The following LCLAT1 variants were observed in gnomAD, a reference collection of about 807,000 sequenced individuals.
LCLAT1 encodes the protein lysocardiolipin acyltransferase 1.
Under a neutral mutation model 30.7 loss-of-function variants are expected in LCLAT1, and 11 were observed. The ratio of observed to expected loss-of-function variants is 0.36; its 90% CI spans 0.23 to 0.59. LCLAT1 has a LOEUF of 0.59. Ranked by LOEUF, LCLAT1 falls within the 20% of genes least tolerant of loss-of-function variation. The probability of loss-of-function intolerance (pLI) is 0.77; values close to 1 mark genes in which losing one functional copy is unlikely to be tolerated. For missense variants in LCLAT1, 402 were observed against 458.6 expected, an observed-to-expected ratio of 0.88 and a Z score of 1.13; for synonymous variants, 155 against 151.3, an observed-to-expected ratio of 1.02 and a Z score of -0.18.
intron 3 of LCLAT1, among the ~76,000 whole-genome samples, chr2:30,546,806 A>C (rs1163978442): frequency 2.0e-5 from 3 of 152,170 alleles, no homozygotes; most frequent in Non-Finnish European, 2.9e-5. Context: ...ATTCACTAAA[A>C]TTAGAACAAA....
At chr2:30,562,359 G>A in intron 4 of LCLAT1, 67 bp downstream of exon 4, 2 of 1,290,490 alleles carry the variant, frequency 1.5e-6, no homozygotes, top group South Asian at 1.6e-5. Flanking sequence ...CTCAGATGAA[G>A]TAACTGAACA....
At chr2:30,535,364 T>C (rs915105336) in intron 3 of LCLAT1, among the ~76,000 whole-genome samples, 12 of 152,166 alleles carry the variant, frequency 7.9e-5, no homozygotes, top group Non-Finnish European at 1.6e-4. Context: ...TAGAATGACA[T>C]GCACCTGGGG....
At chr2:30,522,400 C>A (rs1478259720) in intron 1 of LCLAT1, among the ~76,000 whole-genome samples, 1 of 151,856 alleles carries the variant, frequency 6.6e-6, no homozygotes, top group East Asian at 1.9e-4. Context: ...TTAGCTATTC[C>A]AAATAAGTGT....
chr2:30,503,502 G>A (rs1378564195), intron 1 of LCLAT1, among the ~76,000 whole-genome samples: 2 of 152,140 alleles, frequency 1.3e-5, no homozygotes, highest in African/African-American at 4.8e-5. Context: ...GCTAGGTGGA[G>A]TATACTAGAG....
At chr2:30,504,151 CAT>C (rs1241174158) in intron 1 of LCLAT1, among the ~76,000 whole-genome samples, 4 of 151,810 alleles carry the variant, frequency 2.6e-5, no homozygotes, top group African/African-American at 9.7e-5. Context: ...ATATACACAA[CAT>C]AAACATATAC....
Position 30,641,143 on chromosome 2 carries a change from T to C in LCLAT1, c.*524T>C, listed in dbSNP as rs1669285097. On this transcript the variant is annotated 3_prime_UTR_variant, in exon 6 of 6. Coordinates refer to ENST00000379509, the MANE Select transcript of LCLAT1 (RefSeq NM_001002257.3). ...AGATCAGAAAATGGAACCCCCTTTG[T>C]CGTGAAACCGATCAAGCATTTTGAC... 6.5e-6 allele frequency: 1 copy of C among 152,870 alleles called. No homozygotes were observed. Among genetic ancestry groups the C allele is most frequent in the South Asian group, 2.1e-4 (1 of 4,842 alleles). 9.5% of individuals were successfully genotyped at this position (152,870 alleles called of 1,614,324 possible).
At chr2:30,579,608 A>G (rs1392391204) in intron 5 of LCLAT1, among the ~76,000 whole-genome samples, 1 of 152,114 alleles carries the variant, frequency 6.6e-6, no homozygotes, top group East Asian at 1.9e-4. Context: ...GATCTGGAGG[A>G]ATGGCAGGAT....
At chr2:30,450,457 C>G (rs750404841) in intron 1 of LCLAT1, among the ~76,000 whole-genome samples, 2 of 152,104 alleles carry the variant, frequency 1.3e-5, no homozygotes, top group Non-Finnish European at 2.9e-5. Flanking sequence ...AGAAGGATCT[C>G]GATTAGATGC....
At chr2:30,518,641 A>C (rs1252645) in intron 1 of LCLAT1, among the ~76,000 whole-genome samples, 3 of 152,154 alleles carry the variant, frequency 2.0e-5, no homozygotes, top group African/African-American at 7.2e-5. Flanking sequence ...AGGATTATCA[A>C]TGAGGCCGTT....
chr2:30,556,996 G>A (rs983780462), intron 3 of LCLAT1, among the ~76,000 whole-genome samples: 6 of 151,902 alleles, frequency 3.9e-5, no homozygotes, highest in African/African-American at 1.2e-4. Context: ...CGCCTGCGTC[G>A]GCCTCCCAAA....
At chr2:30,620,347 C>G (rs1668182657) in intron 5 of LCLAT1, among the ~76,000 whole-genome samples, 2 of 152,146 alleles carry the variant, frequency 1.3e-5, no homozygotes, top group Admixed American at 6.5e-5. Context: ...GAATGAAGCC[C>G]AGAACTCTTC....
intron 5 of LCLAT1, among the ~76,000 whole-genome samples, chr2:30,577,787 A>ATTCTTCTTC (rs148353400): frequency 6.6e-6 from 1 of 150,732 alleles, no homozygotes; most frequent in African/African-American, 2.4e-5. Flanking sequence ...TATTTGTGCT[A>ATTCTTCTTC]TTCTTCTTCT....
intron 1 of LCLAT1, among the ~76,000 whole-genome samples, chr2:30,493,767 T>G (rs1178105920): frequency 1.3e-5 from 2 of 151,746 alleles, no homozygotes; most frequent in Non-Finnish European, 2.9e-5. Context: ...ATGAATATCT[T>G]AAATATGATA....
At chr2:30,498,595 A>G (rs1684224974) in intron 1 of LCLAT1, among the ~76,000 whole-genome samples, 1 of 152,106 alleles carries the variant, frequency 6.6e-6, no homozygotes, top group Admixed American at 6.5e-5. Context: ...GACTCACCCC[A>G]ATTGCCTGCC....
chr2:30,562,105 A>C (rs1223325502), intron 3 of LCLAT1, 41 bp from the exon 4 acceptor site: 1 of 1,493,562 alleles, frequency 6.7e-7, no homozygotes, highest in African/African-American at 1.4e-5. Context: ...GGATATTGGC[A>C]ATAAAATTAT....
chr2:30,546,379 ATTTTTC>A (rs1373783434), intron 3 of LCLAT1, among the ~76,000 whole-genome samples: 3 of 152,094 alleles, frequency 2.0e-5, no homozygotes, highest in African/African-American at 7.2e-5. Flanking sequence ...TTACATATGA[ATTTTTC>A]TTTTTAGAGA....
intron 1 of LCLAT1, among the ~76,000 whole-genome samples, chr2:30,457,513 G>A (rs995479517): frequency 1.3e-5 from 2 of 152,208 alleles, no homozygotes; most frequent in Non-Finnish European, 2.9e-5. Flanking sequence ...TACATGCAAA[G>A]GATGTTTGTT....
chr2:30,474,275 A>G (rs1390713572), intron 1 of LCLAT1, among the ~76,000 whole-genome samples: 1 of 152,228 alleles, frequency 6.6e-6, no homozygotes, highest in Non-Finnish European at 1.5e-5. Context: ...CATGTCCCTC[A>G]GTTAACCCAT....
chr2:30,487,503 T>TG (rs1392076792), intron 1 of LCLAT1, among the ~76,000 whole-genome samples: 3 of 151,958 alleles, frequency 2.0e-5, no homozygotes, highest in Admixed American at 1.3e-4. Flanking sequence ...TTCTGGGCCC[T>TG]GGGGGGTACA....
Sources: allele counts gnomAD v4.1 joint callset (sites outside exome capture counted in the v4.1 genomes callset), GRCh38; gene constraint gnomAD v4.1.1; transcripts MANE v1.5; gene names NCBI Gene and HGNC (gene_info 2026-07-23, HGNC 2026-07-21).